Variants in PCLO observed in about 807,000 individuals in gnomAD.
PCLO encodes the protein piccolo presynaptic cytomatrix protein, also known as protein piccolo.
A neutral mutation model predicts 427.5 loss-of-function variants in PCLO; 82 were observed. The ratio of observed to expected loss-of-function variants is 0.19; its 90% CI spans 0.16 to 0.23. The LOEUF (loss-of-function observed/expected upper bound fraction) is 0.23. PCLO is among the 10% of genes least tolerant of loss of function. The probability of loss-of-function intolerance (pLI) is 1.00; values close to 1 mark genes in which losing one functional copy is unlikely to be tolerated. For missense variants in PCLO, 6,239 were observed against 6,115.9 expected (o/e 1.02, Z -0.67); for synonymous variants, 2,357 against 2,155.4 (o/e 1.09, Z -2.59).
rs576206063 is a variant in PCLO at position 82,959,255 on chromosome 7, C to T, written c.4018-2320G>A. ...CTAATTTTTGTATTTTTAGTAGAGA[C>T]GGGTTTCACCATGTTGGTTAGGCTG... On this transcript the variant is annotated intron_variant, in intron 4 of 24. Transcript: ENST00000333891. Among the ~76,000 whole-genome samples, 21 of 152,012 alleles carry T rather than the reference C, an allele frequency of 1.4e-4. No homozygotes were observed. In the South Asian group the frequency reaches 3.1e-3, roughly 23 times the overall value.
chr7:83,019,038 T>C (rs755812648), intron 3 of PCLO, among the ~76,000 whole-genome samples: 13 of 152,066 alleles, frequency 8.5e-5, no homozygotes, highest in Non-Finnish European at 1.5e-4. Context: ...ACTTCCTGTT[T>C]GCTCACATCC....
At chr7:82,815,811 AC>A (rs1469312480) in intron 20 of PCLO, among the ~76,000 whole-genome samples, 1 of 152,020 alleles carries the variant, frequency 6.6e-6, no homozygotes, top group Non-Finnish European at 1.5e-5. Flanking sequence ...TACTTTTTGC[AC>A]CAACCTAATA....
At chr7:82,971,039 T>A (rs138930100) in intron 3 of PCLO, among the ~76,000 whole-genome samples, 211 of 151,978 alleles carry the variant, frequency 1.4e-3, no homozygotes, top group African/African-American at 4.8e-3. Flanking sequence ...GATTTTTGTA[T>A]CAGTGTATTC....
At chr7:82,816,950 G>T (rs995186825) in intron 20 of PCLO, among the ~76,000 whole-genome samples, 4 of 152,116 alleles carry the variant, frequency 2.6e-5, no homozygotes, top group African/African-American at 9.7e-5. Context: ...TTTACTGTCT[G>T]ATTCTGTATG....
At chr7:82,800,509 A>G (rs1791323727) in intron 22 of PCLO, among the ~76,000 whole-genome samples, 1 of 152,186 alleles carries the variant, frequency 6.6e-6, no homozygotes, top group Non-Finnish European at 1.5e-5. Context: ...CAGTGCATGA[A>G]AAGTACTTAG....
intron 10 of PCLO, among the ~76,000 whole-genome samples, chr7:82,859,472 G>T (rs1283918344): frequency 6.6e-6 from 1 of 152,214 alleles, no homozygotes; most frequent in Non-Finnish European, 1.5e-5. Context: ...TGGTAATCCA[G>T]AGAATTCTCC....
intron 3 of PCLO, among the ~76,000 whole-genome samples, chr7:83,016,055 T>C (rs1442498541): frequency 2.0e-5 from 3 of 152,030 alleles, no homozygotes; most frequent in Admixed American, 2.0e-4. Context: ...GTGCACAGCC[T>C]GGGTAGAAAA....
At chr7:82,888,026 C>T (rs535928895) in intron 9 of PCLO, among the ~76,000 whole-genome samples, 58 of 151,558 alleles carry the variant, frequency 3.8e-4, no homozygotes, top group African/African-American at 1.3e-3. Context: ...GCTGAGATTG[C>T]GCCACTGCAC....
chr7:83,085,553 T>C (rs1790210242), intron 3 of PCLO, among the ~76,000 whole-genome samples: 1 of 152,102 alleles, frequency 6.6e-6, no homozygotes, highest in Non-Finnish European at 1.5e-5. Context: ...ATTTCCATGA[T>C]TTTGTGTTCG....
intron 3 of PCLO, among the ~76,000 whole-genome samples, chr7:83,072,403 T>C (rs1383173453): frequency 6.6e-6 from 1 of 152,114 alleles, no homozygotes; most frequent in African/African-American, 2.4e-5. Context: ...AAATTTCTCA[T>C]GTTATTTTTC....
chr7:82,779,746 C>CTTTT (rs397976054), intron 22 of PCLO, among the ~76,000 whole-genome samples: 7 of 134,368 alleles, frequency 5.2e-5, no homozygotes, highest in East Asian at 2.1e-4. Context: ...TTCTTTCTTT[C>CTTTT]TTTTTTTTTT....
At chr7:83,095,262 C>G (rs990023545) in intron 3 of PCLO, among the ~76,000 whole-genome samples, 9 of 151,762 alleles carry the variant, frequency 5.9e-5, no homozygotes, top group Non-Finnish European at 1.2e-4. Flanking sequence ...TGTAGCATTT[C>G]CTTCTCTTTT....
In PCLO at chr7:82,848,986, T is replaced by C. The variant is rs376738940; in HGVS notation, c.13655-1739A>G. ...GTGACAACAACACTAAATAAAAATA[T>C]AGCACGCTGAAAGAGGAAAATAAAG... is the stretch of plus-strand genomic sequence containing the variant. On this transcript the variant is annotated intron_variant, in intron 10 of 24. Transcript: ENST00000333891. 20 of 308,020 alleles carry C rather than the reference T, an allele frequency of 6.5e-5. No individual in the cohort carries two copies. In the East Asian group the frequency reaches 1.1e-3, roughly 17 times the overall value. The allele number at this position is 308,020 out of a possible 1,614,324, so 19.1% of individuals were successfully genotyped here. A position where few individuals can be genotyped will look rare whatever the true frequency, so the allele number is the denominator to read the frequency against.
chr7:82,840,629 A>G (rs1377139631), intron 14 of PCLO, among the ~76,000 whole-genome samples: 2 of 152,052 alleles, frequency 1.3e-5, no homozygotes, highest in Non-Finnish European at 2.9e-5. Context: ...TTTCTTCTCC[A>G]GGAACATAAT....
At chr7:82,816,533 T>C (rs1287322016) in intron 20 of PCLO, among the ~76,000 whole-genome samples, 1 of 152,142 alleles carries the variant, frequency 6.6e-6, no homozygotes, top group African/African-American at 2.4e-5. Context: ...ATAATTGCAT[T>C]ACAAAAACTA....
chr7:83,110,325 T>C (rs1790971761), intron 3 of PCLO, among the ~76,000 whole-genome samples: 1 of 152,042 alleles, frequency 6.6e-6, no homozygotes, highest in African/African-American at 2.4e-5. Flanking sequence ...ATAAAAAGAT[T>C]TGTAACAATT....
chr7:83,062,710 A>T (rs1268925298), intron 3 of PCLO, among the ~76,000 whole-genome samples: 1 of 152,066 alleles, frequency 6.6e-6, no homozygotes, highest in Non-Finnish European at 1.5e-5. Context: ...TCTGTGTATT[A>T]TCATGTTTTC....
At chr7:82,944,101 A>G (rs986160084) in intron 6 of PCLO, among the ~76,000 whole-genome samples, 2 of 134,712 alleles carry the variant, frequency 1.5e-5, no homozygotes, top group East Asian at 2.4e-4. Flanking sequence ...AGATCGTGTC[A>G]TTACACTCCA....
chr7:83,058,363 T>C (rs555590855), intron 3 of PCLO, among the ~76,000 whole-genome samples: 1 of 152,298 alleles, frequency 6.6e-6, no homozygotes, highest in East Asian at 1.9e-4. Context: ...ACCACTTTAA[T>C]GGTACATAGA....
Sources: gnomAD v4.1 joint callset for allele counts (sites outside exome capture counted in the v4.1 genomes callset) on GRCh38, gnomAD v4.1.1 for gene constraint, MANE v1.5 for transcripts, NCBI Gene and HGNC (gene_info 2026-07-23, HGNC 2026-07-21) for gene names.